The following C11orf65 variants were observed in gnomAD, a reference collection of about 807,000 sequenced individuals.
The protein encoded by C11orf65 is chromosome 11 open reading frame 65.
A neutral mutation model predicts 35.3 loss-of-function variants in C11orf65; 38 were observed. The ratio of observed to expected loss-of-function variants is 1.08; its 90% CI spans 0.83 to 1.41. The LOEUF is 1.41. Among genes scored for constraint, C11orf65 ranks in the 40% most tolerant of loss-of-function variants. The pLI is 0.00. For missense variants in C11orf65, 370 were observed against 367.1 expected (o/e 1.01, Z -0.06); for synonymous variants, 105 against 114.4 (o/e 0.92, Z 0.53).
chr11:108,338,401 T>C (rs1194679379), intron 2 of C11orf65, among the ~76,000 whole-genome samples: 1 of 152,032 alleles, frequency 6.6e-6, no homozygotes. Context: ...ATGCCTGTAA[T>C]CTCAGCACTT....
rs1355650740 is a variant in C11orf65, at chr11:108,393,503, T to C, written c.561-125A>G. 5.5e-6 allele frequency: 5 copies of C among 910,722 alleles called. No individual in the cohort carries two copies. In the South Asian group the frequency reaches 9.4e-5, roughly 17 times the overall value. 56.4% of individuals were successfully genotyped at this position (910,722 alleles called of 1,614,324 possible). On this transcript the variant is annotated intron_variant, in intron 6 of 8. Coordinates refer to ENST00000393084, the MANE Select transcript of C11orf65 (RefSeq NM_152587.5). Reference sequence around the variant, plus strand: ...TTTGCATATTGAATAAAGTTTTCATTCCTATATAACTCAGATGCATCTAAA... The same window carrying C: ...TTTGCATATTGAATAAAGTTTTCATCCCTATATAACTCAGATGCATCTAAA...
chr11:108,367,468 T>C (rs975238633), intron 2 of C11orf65: 15 of 203,024 alleles, frequency 7.4e-5, no homozygotes, highest in African/African-American at 3.4e-4. Context: ...CCAGCTGTCA[T>C]CATATAAGAT....
intron 3 of C11orf65, chr11:108,331,869 T>C: frequency 6.2e-7 from 1 of 1,612,998 alleles, no homozygotes; most frequent in South Asian, 1.1e-5. Context: ...TAATAGTTCT[T>C]TTCTTACAGC....
chr11:108,326,264 T>TA (rs2136343485), intron 6 of C11orf65: 2 of 1,610,628 alleles, frequency 1.2e-6, no homozygotes, highest in Non-Finnish European at 1.7e-6. Context: ...GTTTTACTGT[T>TA]ATTTAAAAAA....
At chr11:108,401,893 C>T (rs975326419) in intron 6 of C11orf65, among the ~76,000 whole-genome samples, 2 of 152,210 alleles carry the variant, frequency 1.3e-5, no homozygotes, top group Non-Finnish European at 2.9e-5. Context: ...AGACCATTAA[C>T]ATAATTTCTG....
At chr11:108,357,013 C>G (rs1390278503) in intron 2 of C11orf65, among the ~76,000 whole-genome samples, 3 of 152,210 alleles carry the variant, frequency 2.0e-5, no homozygotes, top group Admixed American at 6.5e-5. Flanking sequence ...CAGGTGATTT[C>G]TGCATTTCCA....
rs561755010 is a variant in C11orf65, at chr11:108,313,880, TA to T, written c.641-4810del. 2.6e-4 allele frequency among the ~76,000 whole-genome samples: 39 copies of T among 152,324 alleles called. No homozygotes were observed. The South Asian group carries it at 5.8e-3, about 23-fold the overall frequency. On this transcript the variant is annotated intron_variant, in intron 6 of 6. Coordinates refer to the C11orf65 transcript ENST00000525729. ...GTATAGTTCCTAGTTTTTTCTATTT[TA>T]TTTTTTTTATGTTTTCATTTTTATT... is the stretch of plus-strand genomic sequence containing the variant.
chr11:108,359,663 C>T (rs1326809048), intron 2 of C11orf65, among the ~76,000 whole-genome samples: 2 of 152,162 alleles, frequency 1.3e-5, no homozygotes, highest in African/African-American at 2.4e-5. Flanking sequence ...CGCTCAACTA[C>T]ATGGAAACCA....
At chr11:108,468,988 G>T (rs537441987), upstream of C11orf65, among the ~76,000 whole-genome samples, 4 of 152,048 alleles carry the variant, frequency 2.6e-5, no homozygotes, top group South Asian at 8.3e-4. Flanking sequence ...GGGACTACAG[G>T]CGCCCTCCAT....
intron 3 of C11orf65, among the ~76,000 whole-genome samples, chr11:108,417,571 A>C (rs2092755911): frequency 6.6e-6 from 1 of 151,946 alleles, no homozygotes; most frequent in African/African-American, 2.4e-5. Flanking sequence ...AAACAAACAA[A>C]AAAAAACCTG....
Position 108,366,783 on chromosome 11 carries a change from TGA to T in C11orf65, c.226+26423_226+26424del, listed in dbSNP as rs1321645790. 13 of 230,470 alleles carry T rather than the reference TGA, an allele frequency of 5.6e-5. No individual in the cohort carries two copies. The East Asian group carries it at 8.0e-4, about 14-fold the overall frequency. 14.3% of individuals were successfully genotyped at this position (230,470 alleles called of 1,614,324 possible). A position where few individuals can be genotyped will look rare whatever the true frequency, so the allele number is the denominator to read the frequency against. On this transcript the variant is annotated intron_variant, in intron 2 of 3. Transcript: ENST00000524755. The stretch of plus-strand genomic sequence containing the variant: ...AATATTTGATTGATGCCTTTTTCAC[TGA>T]GAGTATAAGCTTCCATGTGTCCCAC...
chr11:108,399,360 C>T (rs1404892280), intron 6 of C11orf65, among the ~76,000 whole-genome samples: 1 of 152,216 alleles, frequency 6.6e-6, no homozygotes, highest in Non-Finnish European at 1.5e-5. Context: ...AAATGTTGGT[C>T]AGCACAGTCA....
chr11:108,444,829 G>A (rs532658279), intron 2 of C11orf65, among the ~76,000 whole-genome samples: 3 of 152,314 alleles, frequency 2.0e-5, no homozygotes, highest in Middle Eastern at 6.8e-3. Context: ...GGCAGCGCAA[G>A]GGGTCAGGGA....
In C11orf65 at chr11:108,437,838, T is replaced by C. The variant is rs114181131; in HGVS notation, c.82-6000A>G. Among the ~76,000 whole-genome samples the C allele has an allele frequency of 9.9e-3, 1,489 of 151,036 alleles. 30 individuals are homozygous for C. The highest frequency in any genetic ancestry group is 0.034 in the African/African-American group (1,408 of 41,054). On this transcript the variant is annotated intron_variant, in intron 2 of 8. Transcript: ENST00000393084. ...TACCCAAAGCAATGTACAGATTCAATGTAATCACTATCCAAAATCCCAACG... is the reference window on the plus strand; with the variant it reads ...TACCCAAAGCAATGTACAGATTCAACGTAATCACTATCCAAAATCCCAACG...
chr11:108,415,455 G>A (rs952158741), intron 3 of C11orf65, among the ~76,000 whole-genome samples: 2 of 152,136 alleles, frequency 1.3e-5, no homozygotes, highest in African/African-American at 2.4e-5. Context: ...GGAAATCAAA[G>A]AAGATTTAAA....
At chr11:108,408,501 C>A (rs1288667630) in intron 3 of C11orf65, among the ~76,000 whole-genome samples, 3 of 151,458 alleles carry the variant, frequency 2.0e-5, no homozygotes, top group Admixed American at 2.0e-4. Flanking sequence ...CATGGTGAAA[C>A]CCTGTCTCTA....
Position 108,317,644 on chromosome 11 carries a change from TATATATATAC to T in C11orf65, c.641-8583_641-8574del, listed in dbSNP as rs1470419474. 3.5e-3 allele frequency: 535 copies of T among 153,524 alleles called. 5 individuals carry two copies. Among genetic ancestry groups the T allele is most frequent in the African/African-American group, 0.018 (466 of 25,476 alleles). 9.5% of individuals were successfully genotyped at this position (153,524 alleles called of 1,614,324 possible). ...ATATATATATATATATATATATATATATATATATACACACACACACACACACACACTATAT... is the reference window on the plus strand; with the variant it reads ...ATATATATATATATATATATATATATACACACACACACACACACACTATAT... On this transcript the variant is annotated intron_variant, in intron 6 of 6. Transcript: ENST00000525729.
intron 2 of C11orf65, among the ~76,000 whole-genome samples, chr11:108,345,396 T>C (rs1272011839): frequency 2.0e-5 from 3 of 152,240 alleles, no homozygotes; most frequent in African/African-American, 7.2e-5. Context: ...TCCTGTTTTC[T>C]ATTGCAACCC....
intron 3 of C11orf65, among the ~76,000 whole-genome samples, chr11:108,417,283 C>A (rs1005452418): frequency 6.6e-6 from 1 of 152,108 alleles, no homozygotes; most frequent in African/African-American, 2.4e-5. Context: ...CGGCTCACAC[C>A]TGTAATCCCA....
Sources: allele counts gnomAD v4.1 joint callset (sites outside exome capture counted in the v4.1 genomes callset), GRCh38; gene constraint gnomAD v4.1.1; transcripts MANE v1.5; gene names NCBI Gene and HGNC (gene_info 2026-07-23, HGNC 2026-07-21).